Variants in NPFFR2 observed in about 807,000 individuals in gnomAD.
NPFFR2 encodes neuropeptide FF receptor 2.
A neutral mutation model predicts 13.1 loss-of-function variants in NPFFR2; 15 were observed. That is an observed-to-expected ratio of 1.15 (90% CI 0.77 to 1.76). The LOEUF (loss-of-function observed/expected upper bound fraction) is 1.76. NPFFR2 is among the 40% of genes most tolerant of loss of function. The probability of loss-of-function intolerance (pLI) is 0.00; values close to 1 mark genes in which losing one functional copy is unlikely to be tolerated. For missense variants in NPFFR2, 572 were observed against 503.5 expected, an observed-to-expected ratio of 1.14 and a Z score of -1.30; for synonymous variants, 190 against 175.7, an observed-to-expected ratio of 1.08 and a Z score of -0.65.
chr4:72,067,040 A>C (rs1460856775), intron 1 of NPFFR2, among the ~76,000 whole-genome samples: 1 of 26,450 alleles, frequency 3.8e-5, no homozygotes, highest in Non-Finnish European at 4.3e-4. Context: ...TATTCAACAC[A>C]TGAGCAACAG....
At chr4:72,125,386 A>G (rs1033875663) in intron 1 of NPFFR2, among the ~76,000 whole-genome samples, 8 of 152,086 alleles carry the variant, frequency 5.3e-5, no homozygotes, top group African/African-American at 1.9e-4. Flanking sequence ...TCAACTATGT[A>G]TATAGAAAGT....
intron 1 of NPFFR2, among the ~76,000 whole-genome samples, chr4:72,055,463 A>T (rs1719719007): frequency 6.6e-6 from 1 of 151,948 alleles, no homozygotes; most frequent in Non-Finnish European, 1.5e-5. Flanking sequence ...AGTAGAGCAG[A>T]TATTCTCCCC....
intron 2 of NPFFR2, among the ~76,000 whole-genome samples, chr4:72,131,561 C>T (rs564668188): frequency 7.8e-4 from 118 of 151,886 alleles, no homozygotes; most frequent in African/African-American, 1.1e-3. Flanking sequence ...CTAACCTGCA[C>T]AATGTGCACA....
chr4:72,127,380 T>TTTTTTTTTTTTTTTTG (rs1722087261), intron 1 of NPFFR2, among the ~76,000 whole-genome samples: 1 of 115,066 alleles, frequency 8.7e-6, no homozygotes, highest in African/African-American at 3.8e-5. Flanking sequence ...TTTTTTTTTT[T>TTTTTTTTTTTTTTTTG]TGAGACGGAG....
intron 1 of NPFFR2, among the ~76,000 whole-genome samples, chr4:72,117,548 C>T (rs1033659760): frequency 4.6e-5 from 7 of 152,142 alleles, no homozygotes; most frequent in African/African-American, 1.7e-4. Context: ...CTCCAGAACA[C>T]CAGTATTTGT....
At chr4:72,055,750 T>C (rs1308748301) in intron 1 of NPFFR2, among the ~76,000 whole-genome samples, 1 of 151,942 alleles carries the variant, frequency 6.6e-6, no homozygotes, top group Non-Finnish European at 1.5e-5. Flanking sequence ...CTCCAGTGAA[T>C]ACATGAATGA....
At chr4:72,141,358 T>G (rs927627663) in intron 3 of NPFFR2, among the ~76,000 whole-genome samples, 2 of 152,362 alleles carry the variant, frequency 1.3e-5, no homozygotes, top group Non-Finnish European at 2.9e-5. Context: ...TGTTAGGGTG[T>G]GGATTTTAGA....
At chr4:72,060,242 C>G (rs1719882066) in intron 1 of NPFFR2, among the ~76,000 whole-genome samples, 1 of 152,056 alleles carries the variant, frequency 6.6e-6, no homozygotes, top group African/African-American at 2.4e-5. Context: ...GTCAGACGTT[C>G]TTACTACCTT....
chr4:72,061,429 G>A (rs915537608), intron 1 of NPFFR2, among the ~76,000 whole-genome samples: 1 of 152,118 alleles, frequency 6.6e-6, no homozygotes, highest in Admixed American at 6.6e-5. Context: ...TAAGAGAATG[G>A]GCTTTGAAGC....
At chr4:72,085,269 G>T (rs964847621) in intron 1 of NPFFR2, among the ~76,000 whole-genome samples, 1 of 152,124 alleles carries the variant, frequency 6.6e-6, no homozygotes, top group Non-Finnish European at 1.5e-5. Flanking sequence ...TTTGCTCTCA[G>T]TTTCGTATCT....
chr4:72,147,991 T>C lies in NPFFR2; in HGVS notation c.*179T>C. ...ATGGTCATAAGATCATAAACAATCT[T>C]ATGTTGTATAAAAATACGTAGAGTG... On this transcript the variant is annotated 3_prime_UTR_variant, in exon 4 of 4. Transcript: ENST00000308744. 1 of 522,752 alleles carries C rather than the reference T, an allele frequency of 1.9e-6. No individual in the cohort carries two copies. Among genetic ancestry groups the C allele is most frequent in the Non-Finnish European group, 3.3e-6 (1 of 301,282 alleles). The allele number at this position is 522,752 out of a possible 1,614,324, so 32.4% of individuals were successfully genotyped here.
At chr4:72,141,329 C>T (rs765095462) in intron 3 of NPFFR2, among the ~76,000 whole-genome samples, 5 of 152,114 alleles carry the variant, frequency 3.3e-5, no homozygotes, top group Admixed American at 2.6e-4. Context: ...TCTTGCTCCT[C>T]TAGTTCTTTT....
At chr4:72,101,085 A>G (rs1473621840) in intron 1 of NPFFR2, among the ~76,000 whole-genome samples, 1 of 152,088 alleles carries the variant, frequency 6.6e-6, no homozygotes, top group Non-Finnish European at 1.5e-5. Flanking sequence ...AATCTACACT[A>G]TTTCCACTTA....
At chr4:72,127,508 C>T (rs1229864787) in intron 1 of NPFFR2, among the ~76,000 whole-genome samples, 10 of 144,986 alleles carry the variant, frequency 6.9e-5, no homozygotes, top group South Asian at 2.2e-4. Context: ...GGACCACAGG[C>T]GCCCGCCACC....
At chr4:72,134,343 CT>C (rs201329394) in intron 2 of NPFFR2, among the ~76,000 whole-genome samples, 6 of 151,130 alleles carry the variant, frequency 4.0e-5, no homozygotes, top group Non-Finnish European at 8.9e-5. Flanking sequence ...GCAATTTTTG[CT>C]TTTTTTTTGT....
chr4:72,055,870 G>A (rs1006902981), intron 1 of NPFFR2, among the ~76,000 whole-genome samples: 1 of 151,962 alleles, frequency 6.6e-6, no homozygotes, highest in South Asian at 2.1e-4. Context: ...TCCAGAGCAA[G>A]GCCCTAACTC....
intron 1 of NPFFR2, among the ~76,000 whole-genome samples, chr4:72,120,584 G>A (rs939377213): frequency 6.6e-6 from 1 of 152,210 alleles, no homozygotes; most frequent in African/African-American, 2.4e-5. Flanking sequence ...TTGCTGTTCT[G>A]CAGCCTCTGC....
intron 1 of NPFFR2, among the ~76,000 whole-genome samples, chr4:72,114,446 G>A (rs373621943): frequency 2.0e-4 from 30 of 151,702 alleles, no homozygotes; most frequent in African/African-American, 7.0e-4. Context: ...TTAAATTATA[G>A]AATGGGGTCT....
intron 1 of NPFFR2, among the ~76,000 whole-genome samples, chr4:72,055,540 C>A (rs1215282821): frequency 6.6e-6 from 1 of 151,918 alleles, no homozygotes; most frequent in Non-Finnish European, 1.5e-5. Context: ...CAATTAATAA[C>A]CCTACAATGG....
Sources: gnomAD v4.1 joint callset for allele counts (sites outside exome capture counted in the v4.1 genomes callset) on GRCh38, gnomAD v4.1.1 for gene constraint, MANE v1.5 for transcripts, NCBI Gene and HGNC (gene_info 2026-07-23, HGNC 2026-07-21) for gene names.